The following ME3 variants were observed in gnomAD, a reference collection of about 807,000 sequenced individuals.
ME3 encodes the protein NADP-dependent malic enzyme, mitochondrial.
A neutral mutation model predicts 68.9 loss-of-function variants in ME3; 48 were observed. The observed-to-expected ratio is 0.70, with a 90% confidence interval of 0.55 to 0.89. The LOEUF is 0.89. Among genes scored for constraint, ME3 ranks in the 40% least tolerant of loss-of-function variants. The pLI is 0.00. For synonymous variants in ME3, 320 were observed against 318.8 expected (o/e 1.00, Z -0.04); for missense variants, 675 against 797.4 (o/e 0.85, Z 1.85).
chr11:86,449,641 C>G (rs1949523909), intron 10 of ME3, among the ~76,000 whole-genome samples: 2 of 152,162 alleles, frequency 1.3e-5, no homozygotes, highest in East Asian at 3.8e-4. Context: ...TGGCTGGAGG[C>G]TAGTGCAAGT....
chr11:86,570,546 T>C (rs2139543320), intron 2 of ME3, among the ~76,000 whole-genome samples: 1 of 152,228 alleles, frequency 6.6e-6, no homozygotes, highest in Non-Finnish European at 1.5e-5. Flanking sequence ...AAACACAGCA[T>C]TGGGAAGTCT....
chr11:86,605,733 T>G (rs1003030386), intron 2 of ME3, among the ~76,000 whole-genome samples: 6 of 152,216 alleles, frequency 3.9e-5, no homozygotes, highest in African/African-American at 1.2e-4. Flanking sequence ...AAATAGATTT[T>G]TTAAAAATCA....
At chr11:86,667,856 T>C (rs1946678355) in intron 2 of ME3, 1 of 152,128 alleles carries the variant, frequency 6.6e-6, no homozygotes, top group Non-Finnish European at 1.5e-5. Flanking sequence ...CCCTGTGAAG[T>C]GGGGCTGATA....
At chr11:86,667,350 G>T (rs569862798) in intron 2 of ME3, among the ~76,000 whole-genome samples, 1 of 152,286 alleles carries the variant, frequency 6.6e-6, no homozygotes, top group African/African-American at 2.4e-5. Flanking sequence ...TGTGTTCTGG[G>T]AAATAATGCA....
chr11:86,605,087 C>T (rs528607177), intron 2 of ME3, among the ~76,000 whole-genome samples: 34 of 152,132 alleles, frequency 2.2e-4, no homozygotes, highest in Non-Finnish European at 4.3e-4. Context: ...TTCATACAAA[C>T]GGAATCATAA....
intron 2 of ME3, among the ~76,000 whole-genome samples, chr11:86,619,548 A>G (rs1385663085): frequency 6.6e-6 from 1 of 152,134 alleles, no homozygotes; most frequent in Non-Finnish European, 1.5e-5. Context: ...TTTCCCCCAT[A>G]CTGTTCTAGT....
At chr11:86,440,793 T>C (rs1041405900), downstream of ME3, among the ~76,000 whole-genome samples, 1 of 152,144 alleles carries the variant, frequency 6.6e-6, no homozygotes, top group Non-Finnish European at 1.5e-5. Context: ...CTCCCACCCA[T>C]CTTTTCCTCT....
intron 4 of ME3, among the ~76,000 whole-genome samples, chr11:86,543,816 C>A (rs1233020131): frequency 6.6e-6 from 1 of 152,198 alleles, no homozygotes; most frequent in Non-Finnish European, 1.5e-5. Context: ...TAATAGACAT[C>A]TACAGAACTC....
chr11:86,471,732 G>T (rs1365281638), intron 7 of ME3, among the ~76,000 whole-genome samples: 1 of 152,212 alleles, frequency 6.6e-6, no homozygotes, highest in Non-Finnish European at 1.5e-5. Flanking sequence ...AAGAGGCTAA[G>T]GTGGGAAGAC....
rs543045640 is a variant in ME3 at position 86,472,477 on chromosome 11, T to C, written c.810-7277A>G. Reference sequence around the variant, plus strand: ...AGATTGTGAAGTCCTGGTATTAATATAAGGCAGTGCAGACATGTAGGCAGA... The same window carrying C: ...AGATTGTGAAGTCCTGGTATTAATACAAGGCAGTGCAGACATGTAGGCAGA... On this transcript the variant is annotated intron_variant, in intron 7 of 14. Coordinates refer to ENST00000543262, the Ensembl canonical transcript of ME3. Among the ~76,000 whole-genome samples, 3 of 152,274 alleles carry C rather than the reference T, an allele frequency of 2.0e-5. No homozygotes were observed. In the East Asian group the frequency reaches 5.8e-4, roughly 29 times the overall value.
At chr11:86,542,817 C>T (rs1956130139) in intron 4 of ME3, among the ~76,000 whole-genome samples, 1 of 152,130 alleles carries the variant, frequency 6.6e-6, no homozygotes, top group Non-Finnish European at 1.5e-5. Context: ...CACAAAGATA[C>T]ACCTCAAGAA....
At chr11:86,531,985 A>G in intron 4 of ME3, among the ~76,000 whole-genome samples, 2 of 148,354 alleles carry the variant, frequency 1.3e-5, no homozygotes, top group Admixed American at 1.3e-4. Flanking sequence ...ATTAAAAAAA[A>G]CCAAACCAAA....
intron 2 of ME3, among the ~76,000 whole-genome samples, chr11:86,592,860 C>A (rs1194274921): frequency 6.6e-6 from 1 of 152,128 alleles, no homozygotes; most frequent in Admixed American, 6.5e-5. Flanking sequence ...CAGAAAGGGG[C>A]ACAGTGATGG....
At chr11:86,546,706 A>G (rs1956378902) in intron 4 of ME3, among the ~76,000 whole-genome samples, 2 of 152,352 alleles carry the variant, frequency 1.3e-5, no homozygotes, top group African/African-American at 4.8e-5. Flanking sequence ...GAACGTTTTT[A>G]CACTGTTGGT....
At chr11:86,439,227 A>T (rs1377667857), downstream of ME3, among the ~76,000 whole-genome samples, 1 of 152,216 alleles carries the variant, frequency 6.6e-6, no homozygotes, top group Non-Finnish European at 1.5e-5. Context: ...TGGTGCCGTA[A>T]AATTAACCGT....
chr11:86,543,625 C>T (rs1956183747), intron 4 of ME3, among the ~76,000 whole-genome samples: 1 of 152,130 alleles, frequency 6.6e-6, no homozygotes, highest in Non-Finnish European at 1.5e-5. Context: ...TATATATGCA[C>T]CCAATACAGG....
At chr11:86,525,432 G>C (rs767501754) in intron 4 of ME3, among the ~76,000 whole-genome samples, 30 of 151,478 alleles carry the variant, frequency 2.0e-4, no homozygotes, top group Non-Finnish European at 4.3e-4. Flanking sequence ...TGGCAGTAGT[G>C]AGTCCTTACT....
intron 4 of ME3, among the ~76,000 whole-genome samples, chr11:86,533,965 C>T (rs1055137673): frequency 6.6e-6 from 1 of 151,966 alleles, no homozygotes; most frequent in Non-Finnish European, 1.5e-5. Flanking sequence ...CAAACATGTA[C>T]ATCATGTTAC....
At position 86,642,992 on chromosome 11, in the gene ME3, TA is replaced by T. The variant is rs763341017; in HGVS notation, c.183+28769del. ...TGATGGATAAATATAAGGTTTCTAT[TA>T]GTTTTTTTTGACATGTTGACAATAG... On this transcript the variant is annotated intron_variant, in intron 2 of 14. Coordinates refer to ENST00000543262, the Ensembl canonical transcript of ME3. 2.5e-3 allele frequency among the ~76,000 whole-genome samples: 358 copies of T among 142,136 alleles called. 1 individual carries two copies. Among genetic ancestry groups the T allele is most frequent in the African/African-American group, 3.7e-3 (139 of 37,168 alleles). 93.2% of individuals were successfully genotyped at this position (142,136 alleles called of 152,430 possible). A position where few individuals can be genotyped will look rare whatever the true frequency, so the allele number is the denominator to read the frequency against.
Sources: allele counts gnomAD v4.1 joint callset (sites outside exome capture counted in the v4.1 genomes callset), GRCh38; gene constraint gnomAD v4.1.1; transcripts MANE v1.5; gene names NCBI Gene and HGNC (gene_info 2026-07-23, HGNC 2026-07-21).